TCF12: variants seen among roughly 807,000 people sequenced by gnomAD.
TCF12 encodes transcription factor 12.
Under a neutral mutation model 86.0 loss-of-function variants are expected in TCF12, and 45 were observed. The observed-to-expected ratio is 0.52, with a 90% confidence interval of 0.41 to 0.67. The LOEUF is 0.67. TCF12 is among the 30% of genes least tolerant of loss of function. The pLI is 0.00. For synonymous variants in TCF12, 330 were observed against 299.6 expected, an observed-to-expected ratio of 1.10 and a Z score of -1.05; for missense variants, 881 against 859.9, an observed-to-expected ratio of 1.02 and a Z score of -0.31.
intron 3 of TCF12, among the ~76,000 whole-genome samples, chr15:56,967,247 T>C (rs1425203284): frequency 6.6e-6 from 1 of 151,886 alleles, no homozygotes; most frequent in Non-Finnish European, 1.5e-5. Flanking sequence ...CTAGTGAACA[T>C]TGTTTTGACT....
intron 3 of TCF12, among the ~76,000 whole-genome samples, chr15:56,966,411 C>T (rs946249986): frequency 5.9e-5 from 9 of 152,266 alleles, no homozygotes; most frequent in South Asian, 2.1e-4. Context: ...GTAATCTAAC[C>T]TGCTAAAAAT....
At chr15:57,179,048 T>A (rs1265740740) in intron 6 of TCF12, among the ~76,000 whole-genome samples, 7 of 151,876 alleles carry the variant, frequency 4.6e-5, no homozygotes, top group African/African-American at 1.4e-4. Context: ...AAAAAAAAAA[T>A]TAGTGAAAAA....
intron 5 of TCF12, among the ~76,000 whole-genome samples, chr15:57,098,070 A>T (rs1382232187): frequency 6.7e-6 from 1 of 149,686 alleles, no homozygotes; most frequent in African/African-American, 2.5e-5. Flanking sequence ...TTGTAATCCC[A>T]GCTGTGTGGG....
At chr15:57,183,104 G>C (rs530260242) in intron 6 of TCF12, among the ~76,000 whole-genome samples, 1 of 152,210 alleles carries the variant, frequency 6.6e-6, no homozygotes, top group East Asian at 1.9e-4. Context: ...AAGTGTATTA[G>C]GGAGTCCTCA....
chr15:57,154,656 G>A (rs1255092291), intron 5 of TCF12, among the ~76,000 whole-genome samples: 1 of 151,998 alleles, frequency 6.6e-6, no homozygotes, highest in Non-Finnish European at 1.5e-5. Flanking sequence ...TTATGGCTAT[G>A]TATACAAAGA....
chr15:57,133,649 G>A (rs1476203497), intron 5 of TCF12, among the ~76,000 whole-genome samples: 2 of 147,410 alleles, frequency 1.4e-5, no homozygotes, highest in Non-Finnish European at 3.0e-5. Context: ...TCCCATCTGT[G>A]AATAGCAAGT....
chr15:56,968,324 T>G (rs1486184120), intron 3 of TCF12, among the ~76,000 whole-genome samples: 1 of 151,950 alleles, frequency 6.6e-6, no homozygotes, highest in African/African-American at 2.4e-5. Flanking sequence ...AAGCTGGCTC[T>G]CATTATTTTC....
At chr15:57,261,722 T>C (rs117507007) in intron 16 of TCF12, among the ~76,000 whole-genome samples, 1,829 of 146,990 alleles carry the variant, frequency 0.012, 17 homozygotes, top group Middle Eastern at 0.035. Flanking sequence ...CATGCATACT[T>C]TAATGTATTT....
intron 20 of TCF12, among the ~76,000 whole-genome samples, chr15:57,285,744 C>G (rs1461712278): frequency 6.6e-6 from 1 of 152,110 alleles, no homozygotes; most frequent in Non-Finnish European, 1.5e-5. Context: ...GTTTGTGATT[C>G]TGTAATCGCA....
chr15:56,936,025 A>G (rs1020746962), intron 3 of TCF12, among the ~76,000 whole-genome samples: 10 of 152,188 alleles, frequency 6.6e-5, no homozygotes, highest in African/African-American at 2.4e-4. Context: ...GGATTGCTGG[A>G]TCAAATGGTA....
intron 8 of TCF12, among the ~76,000 whole-genome samples, chr15:57,210,708 T>G (rs1555396142): frequency 2.0e-5 from 3 of 152,186 alleles, no homozygotes; most frequent in Non-Finnish European, 4.4e-5. Flanking sequence ...CAGTCTGAAA[T>G]CACCAGTGTT....
chr15:57,237,146 AGAGTGTGT>A (rs1280286331), intron 12 of TCF12, among the ~76,000 whole-genome samples: 11 of 150,374 alleles, frequency 7.3e-5, no homozygotes, highest in East Asian at 5.9e-4. Flanking sequence ...AGAGAGAGAG[AGAGTGTGT>A]GTGTGTGTGT....
At chr15:57,006,740 A>G (rs756297282) in intron 3 of TCF12, among the ~76,000 whole-genome samples, 7 of 139,316 alleles carry the variant, frequency 5.0e-5, no homozygotes, top group Non-Finnish European at 9.7e-5. Context: ...AACACAGCGA[A>G]ACCCCATCTC....
intron 5 of TCF12, among the ~76,000 whole-genome samples, chr15:57,132,209 T>C (rs2052180555): frequency 6.6e-6 from 1 of 152,204 alleles, no homozygotes; most frequent in Non-Finnish European, 1.5e-5. Context: ...ATCACTAGAT[T>C]TCTTTCCCAA....
At chr15:56,978,078 G>C (rs1221518766) in intron 3 of TCF12, among the ~76,000 whole-genome samples, 2 of 152,214 alleles carry the variant, frequency 1.3e-5, no homozygotes, top group Non-Finnish European at 2.9e-5. Flanking sequence ...TCTCATAAAT[G>C]TATATTAAAA....
rs79656751 is a variant in TCF12, at chr15:57,114,352, A to T, written c.325+22461A>T. On this transcript the variant is annotated intron_variant, in intron 5 of 20. Transcript: ENST00000333725. ...GTTGTGCAGGCTGGAGTGCAGTGGC[A>T]TGATCGTGGCTTACTGCAGCCTTGG... is the stretch of plus-strand genomic sequence containing the variant. Among the ~76,000 whole-genome samples the T allele has an allele frequency of 1.2e-3, 187 of 152,274 alleles. 6 individuals are homozygous for T. In the East Asian group the frequency reaches 0.035, roughly 29 times the overall value.
chr15:57,201,044 CA>C (rs1375291191), intron 8 of TCF12, among the ~76,000 whole-genome samples: 1 of 151,798 alleles, frequency 6.6e-6, no homozygotes, highest in Non-Finnish European at 1.5e-5. Flanking sequence ...AATAAATAAC[CA>C]AAAAAGAATA....
intron 3 of TCF12, among the ~76,000 whole-genome samples, chr15:56,961,010 G>A (rs2061725390): frequency 6.6e-6 from 1 of 151,330 alleles, no homozygotes; most frequent in South Asian, 2.1e-4. Flanking sequence ...TGTGGTGGCG[G>A]GCACCTGTAA....
chr15:57,054,297 C>T (rs750544273), intron 3 of TCF12, among the ~76,000 whole-genome samples: 3 of 152,170 alleles, frequency 2.0e-5, no homozygotes, highest in Non-Finnish European at 4.4e-5. Flanking sequence ...GTTAGGTAAT[C>T]AGCAAAAATT....
Sources: allele counts gnomAD v4.1 joint callset (sites outside exome capture counted in the v4.1 genomes callset), GRCh38; gene constraint gnomAD v4.1.1; transcripts MANE v1.5; gene names NCBI Gene and HGNC (gene_info 2026-07-23, HGNC 2026-07-21).